MTHFS: variants seen among roughly 807,000 people sequenced by gnomAD.
The protein encoded by MTHFS is 5-formyltetrahydrofolate cyclo-ligase.
MTHFS carries 7 observed loss-of-function variants against 12.7 expected under a neutral mutation model. The ratio of observed to expected loss-of-function variants is 0.55; its 90% CI spans 0.31 to 1.03. The LOEUF is 1.03. Among genes scored for constraint, MTHFS ranks in the 50% least tolerant of loss-of-function variants. The pLI, the probability that MTHFS is intolerant of heterozygous loss-of-function variation, is 0.05. For synonymous variants in MTHFS, 100 were observed against 97.1 expected (o/e 1.03, Z -0.18); for missense variants, 252 against 258.1 (o/e 0.98, Z 0.16).
chr15:79,871,547 T>A (rs1041764678), intron 2 of MTHFS, among the ~76,000 whole-genome samples: 6 of 152,084 alleles, frequency 3.9e-5, no homozygotes, highest in African/African-American at 1.4e-4. Flanking sequence ...TTTTTTTTTT[T>A]TTAGTGTTCA....
At chr15:79,863,510 G>A (rs1412707769) in intron 2 of MTHFS, among the ~76,000 whole-genome samples, 2 of 152,190 alleles carry the variant, frequency 1.3e-5, no homozygotes, top group Non-Finnish European at 2.9e-5. Flanking sequence ...TGCAGCAGAG[G>A]CTGCTGGTTG....
intron 2 of MTHFS, among the ~76,000 whole-genome samples, chr15:79,851,771 G>C (rs983664121): frequency 6.6e-6 from 1 of 152,164 alleles, no homozygotes; most frequent in African/African-American, 2.4e-5. Context: ...GTTCCAGATG[G>C]ATAATATACA....
At chr15:79,875,634 C>T (rs1457037895) in intron 2 of MTHFS, among the ~76,000 whole-genome samples, 4 of 152,014 alleles carry the variant, frequency 2.6e-5, no homozygotes, top group Admixed American at 6.6e-5. Context: ...TAGAAAAAAA[C>T]GGAGGCATAA....
At chr15:79,897,048 C>G, upstream of MTHFS, 2 of 1,460,936 alleles carry the variant, frequency 1.4e-6, no homozygotes, top group Admixed American at 2.3e-5. Context: ...CGGGTTCGGT[C>G]TCCGCCCCTG....
chr15:79,896,810 G>T (rs2034584479), intron 1 of MTHFS, 62 bp downstream of exon 1: 1 of 1,530,148 alleles, frequency 6.5e-7, no homozygotes. Context: ...ATCAGCAATC[G>T]CTGGCCGCCA....
intron 2 of MTHFS, among the ~76,000 whole-genome samples, chr15:79,886,920 GCTC>G (rs1373863244): frequency 6.6e-6 from 1 of 152,072 alleles, no homozygotes; most frequent in African/African-American, 2.4e-5. Flanking sequence ...TTATTCGATA[GCTC>G]CTATGTGACA....
intron 2 of MTHFS, among the ~76,000 whole-genome samples, chr15:79,852,327 G>A (rs2033730194): frequency 6.6e-6 from 1 of 152,110 alleles, no homozygotes; most frequent in Non-Finnish European, 1.5e-5. Flanking sequence ...CCATTTACAT[G>A]ACTGCAGTAA....
At position 79,843,750 on chromosome 15, in the gene MTHFS, C is replaced by T. The variant is rs993953080; in HGVS notation, c.*1460G>A. ...AAGATCACTTCTTTTCTTTGGAGCT[C>T]ACAGTATGGTGAAGGGGACAGATAT... is the stretch of plus-strand genomic sequence containing the variant. On this transcript the variant is annotated 3_prime_UTR_variant, in exon 3 of 3. Coordinates refer to ENST00000258874, the MANE Select transcript of MTHFS (RefSeq NM_006441.4). The T allele has an allele frequency of 2.0e-5, 3 of 152,160 alleles. No homozygotes were observed. Among genetic ancestry groups the T allele is most frequent in the Non-Finnish European group, 2.9e-5 (2 of 68,038 alleles). 9.4% of individuals were successfully genotyped at this position (152,160 alleles called of 1,614,324 possible).
intron 1 of MTHFS, 130 bp downstream of exon 1, chr15:79,896,736 GAAACGT>G: frequency 1.0e-6 from 1 of 985,066 alleles, no homozygotes. Context: ...GCCGGGAGGG[GAAACGT>G]GCGCGCGCCG....
At chr15:79,880,679 T>C (rs1405512980) in intron 2 of MTHFS, among the ~76,000 whole-genome samples, 1 of 151,858 alleles carries the variant, frequency 6.6e-6, no homozygotes, top group African/African-American at 2.4e-5. Flanking sequence ...GAAAGTTACA[T>C]GAAGCCATAA....
At chr15:79,874,972 C>T (rs1417881257) in intron 2 of MTHFS, among the ~76,000 whole-genome samples, 1 of 151,936 alleles carries the variant, frequency 6.6e-6, no homozygotes, top group East Asian at 1.9e-4. Context: ...GCAGTTAACG[C>T]AATCATCACA....
Position 79,878,948 on chromosome 15 carries a change from A to T in MTHFS, c.379+10145T>A, listed in dbSNP as rs535738767. ...GGAAGGAAGAATGGAATTATATAAGAGCAAAGTTGCTGTATTTTACTGGAG... is the reference window on the plus strand; with the variant it reads ...GGAAGGAAGAATGGAATTATATAAGTGCAAAGTTGCTGTATTTTACTGGAG... On this transcript the variant is annotated intron_variant, in intron 2 of 2. Transcript: ENST00000258874. 2.0e-5 allele frequency among the ~76,000 whole-genome samples: 3 copies of T among 151,262 alleles called. No individual in the cohort carries two copies. In the East Asian group the frequency reaches 5.8e-4, roughly 29 times the overall value.
chr15:79,894,358 G>A (rs1007857085), intron 1 of MTHFS, among the ~76,000 whole-genome samples: 5 of 152,080 alleles, frequency 3.3e-5, no homozygotes, highest in African/African-American at 1.2e-4. Flanking sequence ...TCCAGCCTGG[G>A]CGACAGAGCA....
intron 2 of MTHFS, among the ~76,000 whole-genome samples, chr15:79,868,296 C>T (rs536428356): frequency 3.9e-5 from 6 of 152,220 alleles, no homozygotes; most frequent in East Asian, 3.9e-4. Context: ...TCTGCAACTT[C>T]GAATATAATT....
intron 2 of MTHFS, among the ~76,000 whole-genome samples, chr15:79,864,842 T>C (rs913249270): frequency 2.0e-5 from 3 of 152,220 alleles, no homozygotes; most frequent in Admixed American, 2.0e-4. Context: ...GCTCAGCTCC[T>C]GATTTTCATT....
chr15:79,890,922 C>G lies in MTHFS; in HGVS notation c.118-1568G>C, dbSNP rs972396231. Among the ~76,000 whole-genome samples the G allele has an allele frequency of 3.9e-5, 6 of 152,176 alleles. No individual in the cohort carries two copies. In the South Asian group the frequency reaches 1.2e-3, roughly 31 times the overall value. ...GAGAAAGTTAAGTATCCTTTTTGCT[C>G]TCTTTACAGCAGAATATAGAAGATC... On this transcript the variant is annotated intron_variant, in intron 1 of 2. Transcript: ENST00000258874.
chr15:79,865,237 TAA>T (rs757199769), intron 2 of MTHFS, among the ~76,000 whole-genome samples: 4 of 152,322 alleles, frequency 2.6e-5, no homozygotes, highest in East Asian at 3.9e-4. Context: ...TATTTAAATA[TAA>T]GTCTTAAAAT....
intron 2 of MTHFS, among the ~76,000 whole-genome samples, chr15:79,868,859 C>T (rs547803796): frequency 5.5e-4 from 84 of 152,284 alleles, no homozygotes; most frequent in Non-Finnish European, 1.0e-3. Context: ...TATAATAAAG[C>T]TCCTAAAAGT....
In MTHFS at chr15:79,868,976, C is replaced by T. The variant is rs539312095; in HGVS notation, c.379+20117G>A. On this transcript the variant is annotated intron_variant, in intron 2 of 2. Transcript: ENST00000258874. The stretch of plus-strand genomic sequence containing the variant: ...TAGGTGCATTTTTTTTTAATGTAAA[C>T]CTTTTCATGAAAAATGAAAAAACGG... Among the ~76,000 whole-genome samples the T allele has an allele frequency of 3.0e-3, 449 of 152,036 alleles. 3 individuals carry two copies. In the Middle Eastern group the frequency reaches 0.048, roughly 16 times the overall value.
Sources: allele counts gnomAD v4.1 joint callset (sites outside exome capture counted in the v4.1 genomes callset), GRCh38; gene constraint gnomAD v4.1.1; transcripts MANE v1.5; gene names NCBI Gene and HGNC (gene_info 2026-07-23, HGNC 2026-07-21).